Variants in TEX14 observed in about 807,000 individuals in gnomAD.
TEX14 encodes the protein inactive serine/threonine-protein kinase TEX14.
Under a neutral mutation model 178.6 loss-of-function variants are expected in TEX14, and 168 were observed. The observed-to-expected ratio is 0.94, with a 90% CI of 0.83 to 1.07. The LOEUF (loss-of-function observed/expected upper bound fraction) is 1.07. Among genes scored for constraint, TEX14 ranks in the 50% least tolerant of loss-of-function variants. TEX14 has a pLI of 0.00. For missense variants in TEX14, 1,730 were observed against 1,753.6 expected, an observed-to-expected ratio of 0.99 and a Z score of 0.24; for synonymous variants, 626 against 634.1, an observed-to-expected ratio of 0.99 and a Z score of 0.19.
chr17:58,637,468 G>A (rs2046461394), intron 2 of TEX14, among the ~76,000 whole-genome samples: 1 of 152,198 alleles, frequency 6.6e-6, no homozygotes, highest in Non-Finnish European at 1.5e-5. Flanking sequence ...AACCTCCGGG[G>A]AGGGGAGAGG....
At position 58,628,529 on chromosome 17, in the gene TEX14, G is replaced by A. The variant is rs1418446851; in HGVS notation, c.251+1911C>T. Among the ~76,000 whole-genome samples the A allele has an allele frequency of 3.3e-5, 5 of 152,100 alleles. 1 individual carries two copies. Among genetic ancestry groups the A allele is most frequent in the South Asian group, 4.1e-4 (2 of 4,826 alleles). On this transcript the variant is annotated intron_variant, in intron 3 of 31. Coordinates refer to ENST00000349033, the MANE Select transcript of TEX14 (RefSeq NM_031272.5). ...AGATGGAGACCATCCTAGCTAACAC[G>A]GTGAAACCCCATCTCTACTAAAAAT...
At chr17:58,575,765 T>C (rs1484913144) in intron 21 of TEX14, among the ~76,000 whole-genome samples, 1 of 152,210 alleles carries the variant, frequency 6.6e-6, no homozygotes, top group Non-Finnish European at 1.5e-5. Context: ...GCACAGAACA[T>C]TCCTGGCCAA....
At chr17:58,572,601 C>T (rs568889853) in intron 23 of TEX14, among the ~76,000 whole-genome samples, 7 of 150,704 alleles carry the variant, frequency 4.6e-5, no homozygotes, top group South Asian at 2.1e-4. Context: ...CACTGCACTC[C>T]GGCCTGGGCA....
intron 1 of TEX14, among the ~76,000 whole-genome samples, chr17:58,670,798 A>G (rs1022992895): frequency 3.0e-4 from 45 of 151,240 alleles, no homozygotes; most frequent in Non-Finnish European, 5.5e-4. Context: ...AAAAAAAAAA[A>G]AAGTGACTAT....
intron 10 of TEX14, 51 bp downstream of exon 10, chr17:58,611,110 C>T (rs763693774): frequency 2.2e-6 from 3 of 1,384,156 alleles, no homozygotes; most frequent in Admixed American, 1.7e-5. Flanking sequence ...TAGGAAGGGT[C>T]CCCAAGGGAG....
At chr17:58,665,427 C>A (rs1279958858) in intron 1 of TEX14, among the ~76,000 whole-genome samples, 1 of 151,354 alleles carries the variant, frequency 6.6e-6, no homozygotes, top group Non-Finnish European at 1.5e-5. Context: ...TTGCCTAAAC[C>A]CTGCCTCTAC....
intron 1 of TEX14, among the ~76,000 whole-genome samples, chr17:58,678,856 A>AATAATAAT (rs1567773275): frequency 4.4e-5 from 3 of 68,178 alleles, no homozygotes; most frequent in African/African-American, 1.2e-4. Context: ...ATAATAATAA[A>AATAATAAT]AGAGAAGGAC....
At chr17:58,563,095 A>G (rs1363704899) in intron 28 of TEX14, among the ~76,000 whole-genome samples, 1 of 151,948 alleles carries the variant, frequency 6.6e-6, no homozygotes, top group Non-Finnish European at 1.5e-5. Context: ...AATTGCACTA[A>G]AATATTACTT....
At chr17:58,611,102 G>A in intron 10 of TEX14, 59 bp downstream of exon 10, 2 of 1,289,734 alleles carry the variant, frequency 1.6e-6, no homozygotes, top group Admixed American at 1.7e-5. Context: ...TGTCTCTATA[G>A]GAAGGGTCCC....
At chr17:58,613,321 C>T in intron 9 of TEX14, 100 bp downstream of exon 9, 1 of 1,416,268 alleles carries the variant, frequency 7.1e-7, no homozygotes, top group Non-Finnish European at 9.8e-7. Context: ...ATTTATCTTC[C>T]ATGCATGCAG....
intron 3 of TEX14, among the ~76,000 whole-genome samples, chr17:58,626,214 C>G (rs1026388543): frequency 1.3e-5 from 2 of 152,182 alleles, no homozygotes; most frequent in Non-Finnish European, 2.9e-5. Flanking sequence ...CAGTAGGCAT[C>G]TGATTTGTGA....
chr17:58,653,976 T>C (rs949873739), intron 1 of TEX14, among the ~76,000 whole-genome samples: 1 of 151,950 alleles, frequency 6.6e-6, no homozygotes, highest in Non-Finnish European at 1.5e-5. Flanking sequence ...GGTCAGGAGA[T>C]TGAGACCATC....
intron 1 of TEX14, among the ~76,000 whole-genome samples, chr17:58,663,440 A>C (rs2047154283): frequency 6.6e-6 from 1 of 151,328 alleles, no homozygotes; most frequent in South Asian, 2.1e-4. Context: ...AAAAAAAAAA[A>C]GTCATTAATG....
At chr17:58,668,269 C>A (rs1204312480) in intron 1 of TEX14, among the ~76,000 whole-genome samples, 1 of 152,226 alleles carries the variant, frequency 6.6e-6, no homozygotes, top group Non-Finnish European at 1.5e-5. Flanking sequence ...CAGTCTTTCT[C>A]CTCCACTACA....
chr17:58,660,527 C>T (rs2047086603), intron 1 of TEX14: 1 of 732,966 alleles, frequency 1.4e-6, no homozygotes, highest in Admixed American at 2.0e-5. Flanking sequence ...GCATGGTTTT[C>T]CTTGGCGGGG....
At chr17:58,563,656 TATAGAGAGAGAG>T (rs1292682616) in intron 28 of TEX14, among the ~76,000 whole-genome samples, 1 of 18,766 alleles carries the variant, frequency 5.3e-5, no homozygotes, top group Non-Finnish European at 8.3e-5. Flanking sequence ...TATATATATA[TATAGAGAGAGAG>T]AGAGAGAGAG....
In TEX14 at chr17:58,599,216, C is replaced by A. The variant is rs752697958; in HGVS notation, c.2129G>T (p.Arg710Ile). The change falls in exon 14 of 32, where the codon AGA (arginine) becomes ATA (isoleucine). Residue 710 changes from arginine to isoleucine, a missense_variant. Physicochemically the swap from Arg to Ile is moderately conservative, Grantham distance 97. Around this residue, in one of 2 missense-constraint regions of TEX14, gnomAD observed 941 missense variants for 1,072.4 expected, o/e 0.88. Transcript: ENST00000349033. Reference sequence around the variant, plus strand: ...GTTGTTCAAATTGCTCTTGGCTTCTCTGGTTGACTCAGGAAGGCTGAGTGA... The same window carrying A: ...GTTGTTCAAATTGCTCTTGGCTTCTATGGTTGACTCAGGAAGGCTGAGTGA... Reference protein sequence around the residue: ...LSSLSLPESTREAKSNLNNMS... With the variant: ...LSSLSLPESTIEAKSNLNNMS... The A allele has an allele frequency of 3.1e-6, 5 of 1,614,058 alleles. No individual in the cohort carries two copies. The highest frequency in any genetic ancestry group is 2.5e-6 in the Non-Finnish European group (3 of 1,180,042).
chr17:58,634,006 A>C (rs1470428063), intron 2 of TEX14, among the ~76,000 whole-genome samples: 1 of 152,036 alleles, frequency 6.6e-6, no homozygotes, highest in Non-Finnish European at 1.5e-5. Context: ...AGAAGCCAAA[A>C]AGTAGGCAGA....
chr17:58,572,809 A>T (rs762478313), intron 23 of TEX14, among the ~76,000 whole-genome samples: 6 of 152,246 alleles, frequency 3.9e-5, no homozygotes, highest in Non-Finnish European at 7.3e-5. Context: ...AGGATATTTG[A>T]TGCTGGTTGC....
Sources: gnomAD v4.1 joint callset for allele counts (sites outside exome capture counted in the v4.1 genomes callset) on GRCh38, gnomAD v4.1.1 for gene constraint, gnomAD v4.1.1 regional missense constraint, MANE v1.5 for transcripts, NCBI Gene and HGNC (gene_info 2026-07-23, HGNC 2026-07-21) for gene names.